The following RSPO3 variants were observed in gnomAD, a reference collection of about 807,000 sequenced individuals.
RSPO3 encodes the protein R-spondin 3, also known as R-spondin-3.
A neutral mutation model predicts 36.5 loss-of-function variants in RSPO3; 17 were observed. The observed-to-expected ratio is 0.47, with a 90% CI of 0.32 to 0.70. The LOEUF (loss-of-function observed/expected upper bound fraction) is 0.70. Ranked by LOEUF, RSPO3 falls within the 30% of genes least tolerant of loss-of-function variation. The pLI is 0.04. For synonymous variants in RSPO3, 108 were observed against 107.0 expected (o/e 1.01, Z -0.06); for missense variants, 294 against 322.5 (o/e 0.91, Z 0.68).
At chr6:127,155,212 C>T in intron 3 of RSPO3, 29 bp from the exon 4 acceptor site, 3 of 1,607,762 alleles carry the variant, frequency 1.9e-6, no homozygotes, top group Non-Finnish European at 2.6e-6. Context: ...TGTAAGCCAG[C>T]TGAGTCTGTT....
chr6:127,133,999 G>T (rs556595538), intron 1 of RSPO3, among the ~76,000 whole-genome samples: 75 of 152,222 alleles, frequency 4.9e-4, no homozygotes, highest in Non-Finnish European at 9.7e-4. Context: ...AAGCCGAATA[G>T]TACCTCTTTT....
At chr6:127,181,328 C>G (rs1380756058) in intron 4 of RSPO3, among the ~76,000 whole-genome samples, 4 of 151,714 alleles carry the variant, frequency 2.6e-5, no homozygotes, top group African/African-American at 7.3e-5. Flanking sequence ...AAATACAGTA[C>G]CCCATATATA....
Position 127,196,146 on chromosome 6 carries a change from A to C in RSPO3, c.*139A>C. ...AAACAACATTCCCAGTAGTTGCTAT[A>C]TTCTTCATACAAGCATAGTTAACAA... On this transcript the variant is annotated 3_prime_UTR_variant, in exon 5 of 5. Coordinates refer to ENST00000356698, the MANE Select transcript of RSPO3 (RefSeq NM_032784.5). 1.6e-6 allele frequency: 1 copy of C among 611,066 alleles called. No homozygotes were observed. Among genetic ancestry groups the C allele is most frequent in the Non-Finnish European group, 2.6e-6 (1 of 383,926 alleles). 37.9% of individuals were successfully genotyped at this position (611,066 alleles called of 1,614,324 possible).
At position 127,196,089 on chromosome 6, in the gene RSPO3, C is replaced by A; in HGVS notation, c.*82C>A. On this transcript the variant is annotated 3_prime_UTR_variant, in exon 5 of 5. Transcript: ENST00000356698. The stretch of plus-strand genomic sequence containing the variant: ...GGACAGGTGCTCTAGCCATTAGGAC[C>A]ACAAATGGACATGTCAGTTATTGCT... The A allele has an allele frequency of 9.0e-7, 1 of 1,107,986 alleles. No individual in the cohort carries two copies. The highest frequency in any genetic ancestry group is 1.3e-6 in the Non-Finnish European group (1 of 796,404). 68.6% of individuals were successfully genotyped at this position (1,107,986 alleles called of 1,614,324 possible). A position where few individuals can be genotyped will look rare whatever the true frequency, so the allele number is the denominator to read the frequency against.
rs571576967 is a variant in RSPO3, at chr6:127,197,166, A to G, written c.*1159A>G. ...TCCTATGTAATTCAGAATATATTAC[A>G]TTTCTCAGTAATATTTGTTTTTTGA... On this transcript the variant is annotated 3_prime_UTR_variant, in exon 5 of 5. Coordinates refer to ENST00000356698, the MANE Select transcript of RSPO3 (RefSeq NM_032784.5). The G allele has an allele frequency of 3.9e-5, 15 of 387,322 alleles. No individual in the cohort carries two copies. In the South Asian group the frequency reaches 6.0e-4, roughly 15 times the overall value. The allele number at this position is 387,322 out of a possible 1,614,324, so 24.0% of individuals were successfully genotyped here. A position where few individuals can be genotyped will look rare whatever the true frequency, so the allele number is the denominator to read the frequency against.
At chr6:127,186,383 T>C (rs1429937629) in intron 4 of RSPO3, among the ~76,000 whole-genome samples, 1 of 152,128 alleles carries the variant, frequency 6.6e-6, no homozygotes, top group African/African-American at 2.4e-5. Context: ...TGCTCAGTCA[T>C]GAGAGGAATA....
intron 4 of RSPO3, chr6:127,192,663 T>C (rs1323491834): frequency 2.0e-6 from 2 of 985,286 alleles, no homozygotes; most frequent in Admixed American, 6.2e-5. Flanking sequence ...CAAGGGGAGA[T>C]GAACGCTGTT....
intron 4 of RSPO3, among the ~76,000 whole-genome samples, chr6:127,180,525 C>A (rs1299921750): frequency 8.9e-6 from 1 of 112,736 alleles, no homozygotes; most frequent in South Asian, 3.1e-4. Flanking sequence ...ACCACCAGAT[C>A]TTTGCAAAAA....
At position 127,195,893 on chromosome 6, in the gene RSPO3, C is replaced by A. The variant is rs1256701780; in HGVS notation, c.705C>A (p.Ser235Arg). 2 of 1,612,152 alleles carry A rather than the reference C, an allele frequency of 1.2e-6. No homozygotes were observed. Among genetic ancestry groups the A allele is most frequent in the South Asian group, 1.1e-5 (1 of 90,822 alleles). ...KGESKEAIPD[S>R]KSLESSKEIP... ...AAAGTAAAGAAGCAATACCTGACAG[C>A]AAAAGTCTGGAATCCAGCAAAGAAA... Residue 235 changes from serine (S) to arginine (R), a missense_variant, in exon 5 of 5, where the codon AGC (serine) becomes AGA (arginine). Physicochemically the swap from Ser to Arg is moderately radical, Grantham distance 110. Coordinates refer to ENST00000356698, the MANE Select transcript of RSPO3 (RefSeq NM_032784.5).
At chr6:127,182,822 G>T (rs949109473) in intron 4 of RSPO3, among the ~76,000 whole-genome samples, 1 of 151,864 alleles carries the variant, frequency 6.6e-6, no homozygotes, top group South Asian at 2.1e-4. Flanking sequence ...TTCAAAAGAG[G>T]ATACAAAAGC....
At chr6:127,172,572 C>G (rs187605627) in intron 4 of RSPO3, among the ~76,000 whole-genome samples, 11 of 151,774 alleles carry the variant, frequency 7.2e-5, no homozygotes, top group Non-Finnish European at 1.6e-4. Flanking sequence ...AATCACCTTA[C>G]AAAAAGCCAA....
At chr6:127,152,865 T>C (rs1019341805) in intron 3 of RSPO3, among the ~76,000 whole-genome samples, 5 of 152,124 alleles carry the variant, frequency 3.3e-5, no homozygotes, top group Non-Finnish European at 7.4e-5. Context: ...TCACTGCTTC[T>C]CTTAGTTGGA....
At chr6:127,146,265 T>C (rs1453358002) in intron 1 of RSPO3, among the ~76,000 whole-genome samples, 2 of 151,546 alleles carry the variant, frequency 1.3e-5, no homozygotes, top group Admixed American at 1.3e-4. Context: ...AAAAATCAAA[T>C]TTTTAAAAAC....
chr6:127,175,809 T>C (rs759902606), intron 4 of RSPO3, among the ~76,000 whole-genome samples: 2 of 151,748 alleles, frequency 1.3e-5, no homozygotes, highest in African/African-American at 2.4e-5. Context: ...CAAACCTGGA[T>C]ATTCTTAAAG....
chr6:127,177,781 T>C (rs972877998), intron 4 of RSPO3, among the ~76,000 whole-genome samples: 3 of 151,782 alleles, frequency 2.0e-5, no homozygotes, highest in East Asian at 3.9e-4. Context: ...TTTTTTTTTT[T>C]ATGAATGTGT....
intron 1 of RSPO3, among the ~76,000 whole-genome samples, chr6:127,145,958 G>C (rs1040976291): frequency 6.6e-6 from 1 of 152,074 alleles, no homozygotes; most frequent in Non-Finnish European, 1.5e-5. Flanking sequence ...TTAAAATGAA[G>C]TTTGGGAAAT....
Position 127,155,265 on chromosome 6 carries a change from A to C in RSPO3, c.461A>C (p.Asn154Thr). 1 of 1,613,840 alleles carries C rather than the reference A, an allele frequency of 6.2e-7. No homozygotes were observed. The highest frequency in any genetic ancestry group is 8.5e-7 in the Non-Finnish European group (1 of 1,179,848). ...SIVHCEVSEW[N>T]PWSPCTKKGK... Reference sequence around the variant, plus strand: ...GTGCACTGTGAGGTCAGTGAATGGAATCCTTGGAGTCCATGCACGAAGAAG... The same window carrying C: ...GTGCACTGTGAGGTCAGTGAATGGACTCCTTGGAGTCCATGCACGAAGAAG... The change falls in exon 4 of 5, where the codon AAT (asparagine) becomes ACT (threonine). Residue 154 changes from asparagine to threonine, a missense_variant. Coordinates refer to ENST00000356698, the MANE Select transcript of RSPO3 (RefSeq NM_032784.5).
chr6:127,169,743 G>C (rs547268073), intron 4 of RSPO3, among the ~76,000 whole-genome samples: 1 of 151,962 alleles, frequency 6.6e-6, no homozygotes, highest in Admixed American at 6.6e-5. Flanking sequence ...ACAATATTTT[G>C]TGAAGTATTG....
At chr6:127,158,884 T>C (rs1774648252) in intron 4 of RSPO3, among the ~76,000 whole-genome samples, 1 of 152,164 alleles carries the variant, frequency 6.6e-6, no homozygotes, top group Non-Finnish European at 1.5e-5. Flanking sequence ...TCATTACCAA[T>C]ACAATTCTTT....
Sources: allele counts gnomAD v4.1 joint callset (sites outside exome capture counted in the v4.1 genomes callset), GRCh38; gene constraint gnomAD v4.1.1; transcripts MANE v1.5; gene names NCBI Gene and HGNC (gene_info 2026-07-23, HGNC 2026-07-21).